The following BAZ1B variants were observed in gnomAD, a reference collection of about 807,000 sequenced individuals.
BAZ1B encodes tyrosine-protein kinase BAZ1B.
A neutral mutation model predicts 153.8 loss-of-function variants in BAZ1B; 22 were observed. The ratio of observed to expected loss-of-function variants is 0.14; its 90% CI spans 0.10 to 0.20. BAZ1B has a LOEUF of 0.20. Ranked by LOEUF, BAZ1B falls within the 10% of genes least tolerant of loss-of-function variation. The probability of loss-of-function intolerance (pLI) is 1.00; values close to 1 mark genes in which losing one functional copy is unlikely to be tolerated. For missense variants in BAZ1B, 1,325 were observed against 1,799.3 expected, an observed-to-expected ratio of 0.74 and a Z score of 4.77; for synonymous variants, 676 against 633.4, an observed-to-expected ratio of 1.07 and a Z score of -1.01.
intron 3 of BAZ1B, among the ~76,000 whole-genome samples, chr7:73,501,612 TA>T (rs1452948146): frequency 6.6e-6 from 1 of 152,194 alleles, no homozygotes; most frequent in African/African-American, 2.4e-5. Flanking sequence ...TCATCTGTCC[TA>T]AAGTTTGTAA....
chr7:73,443,836 C>CACCCAT, intron 17 of BAZ1B, 148 bp downstream of exon 17: 2 of 1,146,180 alleles, frequency 1.7e-6, no homozygotes, highest in Admixed American at 2.0e-5. Flanking sequence ...CGTACAGGCT[C>CACCCAT]ACCCATCTGC....
At chr7:73,488,333 T>C (rs1789497127) in intron 6 of BAZ1B, among the ~76,000 whole-genome samples, 1 of 152,208 alleles carries the variant, frequency 6.6e-6, no homozygotes. Flanking sequence ...CTGTTGGTTC[T>C]GATTAGACTA....
At chr7:73,482,251 T>A (rs1223955158) in intron 6 of BAZ1B, among the ~76,000 whole-genome samples, 1 of 152,172 alleles carries the variant, frequency 6.6e-6, no homozygotes, top group African/African-American at 2.4e-5. Context: ...TAAGCCAAGA[T>A]AACTTATTTA....
rs1464649231 is a variant in BAZ1B, at chr7:73,459,426, CA to C, written c.3432+109del. The C allele has an allele frequency of 1.9e-5, 21 of 1,083,302 alleles. No individual in the cohort carries two copies. In the African/African-American group the frequency reaches 3.2e-4, roughly 17 times the overall value. The allele number at this position is 1,083,302 out of a possible 1,614,324, so 67.1% of individuals were successfully genotyped here. On this transcript the variant is annotated intron_variant, in intron 13 of 19. Transcript: ENST00000339594. ...AAACACACACACACACAAAAACACT[CA>C]CTCAGGGCACAGTGCCTATAGCAGC...
rs1415844079 is a variant in BAZ1B, at chr7:73,477,768, G to A, written c.1693C>T (p.Arg565Ter). 1 of 1,614,000 alleles carries A rather than the reference G, an allele frequency of 6.2e-7. No homozygotes were observed. The highest frequency in any genetic ancestry group is 8.5e-7 in the Non-Finnish European group (1 of 1,180,042). Residue 565 changes from arginine to a stop codon, truncating the protein, a stop_gained, in exon 7 of 20, where the codon CGA (arginine) becomes TGA (stop). Coordinates refer to ENST00000339594, the MANE Select transcript of BAZ1B (RefSeq NM_032408.4). LOFTEE classifies it high-confidence loss of function. The surrounding 1 kb of genome is among the most constrained non-coding windows in gnomAD (Gnocchi z 5.6). Reference sequence around the variant, plus strand: ...CTCTCAAGCATTTCTTTCTCTCTTCGTTCTTTGGCTTTTTCCTTCAACTTC... The same window carrying A: ...CTCTCAAGCATTTCTTTCTCTCTTCATTCTTTGGCTTTTTCCTTCAACTTC... ...KKKLKEKAKE[R>*]REKEMLERLE... is the part of the protein sequence containing the mutation.
chr7:73,510,659 A>G, intron 2 of BAZ1B, 77 bp downstream of exon 2: 4 of 1,357,636 alleles, frequency 2.9e-6, no homozygotes, highest in Non-Finnish European at 4.2e-6. Flanking sequence ...AAATACACAT[A>G]CTGCTTTAGG....
intron 12 of BAZ1B, among the ~76,000 whole-genome samples, 173 bp from the exon 13 acceptor site, chr7:73,459,891 A>C (rs1788333697): frequency 6.6e-6 from 1 of 152,194 alleles, no homozygotes; most frequent in Admixed American, 6.5e-5. Context: ...TGCATGGCTC[A>C]TGCATTTAAA....
At position 73,522,272 on chromosome 7, in the gene BAZ1B, G is replaced by C. The variant is rs112760221; in HGVS notation, c.-339C>G. ...TGGCGGGAGATTCCCCTCCTCCCCCGGGCCCGGCCAACGCACACACTAACT... is the reference window on the plus strand; with the variant it reads ...TGGCGGGAGATTCCCCTCCTCCCCCCGGCCCGGCCAACGCACACACTAACT... On this transcript the variant is annotated 5_prime_UTR_variant, in exon 1 of 20. Transcript: ENST00000339594. 22,039 of 373,616 alleles carry C rather than the reference G, an allele frequency of 0.059. 760 individuals are homozygous for C. Among genetic ancestry groups the C allele is most frequent in the African/African-American group, 0.088 (4,188 of 47,482 alleles). 23.1% of individuals were successfully genotyped at this position (373,616 alleles called of 1,614,324 possible). A position where few individuals can be genotyped will look rare whatever the true frequency, so the allele number is the denominator to read the frequency against.
intron 6 of BAZ1B, 136 bp from the exon 7 acceptor site, chr7:73,478,705 TC>T (rs1253843655): frequency 2.7e-6 from 2 of 743,232 alleles, no homozygotes; most frequent in Non-Finnish European, 3.9e-6. Context: ...AGATACTTTG[TC>T]CCTGAAAAAA....
At chr7:73,487,709 T>C (rs1789464352) in intron 6 of BAZ1B, among the ~76,000 whole-genome samples, 1 of 152,200 alleles carries the variant, frequency 6.6e-6, no homozygotes, top group African/African-American at 2.4e-5. Context: ...TTCCAAACTC[T>C]GTGGCAACAA....
intron 1 of BAZ1B, among the ~76,000 whole-genome samples, chr7:73,518,381 C>G (rs920621898): frequency 2.8e-4 from 43 of 151,694 alleles, no homozygotes; most frequent in Non-Finnish European, 2.9e-4. Flanking sequence ...CCACTGCACT[C>G]CAGCCTGGGC....
chr7:73,514,007 G>A (rs188430350), intron 1 of BAZ1B, among the ~76,000 whole-genome samples: 7 of 152,294 alleles, frequency 4.6e-5, no homozygotes, highest in Admixed American at 4.6e-4. Context: ...AGAACCGGGA[G>A]TATTTTGGAT....
In BAZ1B at chr7:73,492,913, C is replaced by T; in HGVS notation, c.580G>A (p.Ala194Thr). ...GGAAGTTTTCGTGGCGATCTACGTG[C>T]TCTGTCATCTAGTCAAATCATAGAA... is the stretch of plus-strand genomic sequence containing the variant. ...EGRRESINDR[A>T]RRSPRKLPTS... The change falls in exon 5 of 20, where the codon GCA (alanine) becomes ACA (threonine). Residue 194 changes from alanine (A) to threonine (T), a missense_variant. Transcript: ENST00000339594. The T allele has an allele frequency of 6.3e-7, 1 of 1,598,468 alleles. No individual in the cohort carries two copies. The highest frequency in any genetic ancestry group is 8.5e-7 in the Non-Finnish European group (1 of 1,175,914).
intron 3 of BAZ1B, among the ~76,000 whole-genome samples, chr7:73,506,782 C>CGGAG (rs2116442835): frequency 7.4e-6 from 1 of 135,878 alleles, no homozygotes; most frequent in East Asian, 2.4e-4. Flanking sequence ...ACCAGGGAGG[C>CGGAG]GGAGGTTGCA....
chr7:73,448,024 G>A (rs1583884790), intron 15 of BAZ1B, among the ~76,000 whole-genome samples: 1 of 152,048 alleles, frequency 6.6e-6, no homozygotes, highest in African/African-American at 2.4e-5. Context: ...GGAAGCCCAG[G>A]CCGGGCACCG....
chr7:73,466,965 T>C (rs1554571264), intron 9 of BAZ1B, among the ~76,000 whole-genome samples: 1 of 152,236 alleles, frequency 6.6e-6, no homozygotes, highest in Non-Finnish European at 1.5e-5. Context: ...AGAGTCTCGC[T>C]CTGTCGCCCA....
At chr7:73,443,947 C>G in intron 17 of BAZ1B, 37 bp downstream of exon 17, 1 of 1,611,248 alleles carries the variant, frequency 6.2e-7, no homozygotes, top group South Asian at 1.1e-5. Flanking sequence ...GAATAAGAAA[C>G]AGAAAGGTTA....
At chr7:73,502,230 G>A (rs1554577231) in intron 3 of BAZ1B, among the ~76,000 whole-genome samples, 4 of 151,948 alleles carry the variant, frequency 2.6e-5, no homozygotes, top group African/African-American at 2.4e-5. Flanking sequence ...TGTGGATTTT[G>A]GTCACTACTG....
Position 73,522,019 on chromosome 7 carries a change from G to A in BAZ1B, c.-86C>T, listed in dbSNP as rs1318090664. The A allele has an allele frequency of 1.7e-5, 17 of 1,004,192 alleles. No homozygotes were observed. Among genetic ancestry groups the A allele is most frequent in the Non-Finnish European group, 1.8e-5 (14 of 782,310 alleles). The allele number at this position is 1,004,192 out of a possible 1,614,324, so 62.2% of individuals were successfully genotyped here. ...CCCCGCGGCCCGGAGCGAGCGCCAG[G>A]CGCCCGGGGGTGGGGTGGGGGAAGG... On this transcript the variant is annotated 5_prime_UTR_variant, in exon 1 of 20. Transcript: ENST00000339594.
Sources: allele counts gnomAD v4.1 joint callset (sites outside exome capture counted in the v4.1 genomes callset), GRCh38; gene constraint gnomAD v4.1.1; non-coding constraint Gnocchi (gnomAD v3.1); transcripts MANE v1.5; gene names NCBI Gene and HGNC (gene_info 2026-07-23, HGNC 2026-07-21).